ANKRD6: variants seen among roughly 807,000 people sequenced by gnomAD.
The protein encoded by ANKRD6 is ankyrin repeat domain-containing protein 6.
In ANKRD6, 56 loss-of-function variants were observed where a neutral mutation model predicts 82.3. The observed-to-expected ratio is 0.68, with a 90% CI of 0.55 to 0.85. The LOEUF is 0.85. ANKRD6 is among the 40% of genes least tolerant of loss of function. The pLI, the probability that ANKRD6 is intolerant of heterozygous loss-of-function variation, is 0.00. For synonymous variants in ANKRD6, 347 were observed against 352.1 expected, an observed-to-expected ratio of 0.99 and a Z score of 0.16; for missense variants, 852 against 907.6, an observed-to-expected ratio of 0.94 and a Z score of 0.79.
At chr6:89,624,258 C>T (rs1226955554) in intron 12 of ANKRD6, among the ~76,000 whole-genome samples, 2 of 152,194 alleles carry the variant, frequency 1.3e-5, no homozygotes, top group African/African-American at 4.8e-5. Flanking sequence ...GGGTGTGTAG[C>T]TGCAGAGCTT....
At chr6:89,628,780 AC>A (rs59026817) in intron 14 of ANKRD6, 3 of 263,666 alleles carry the variant, frequency 1.1e-5, no homozygotes, top group African/African-American at 7.1e-5. Context: ...CAAAAAACAA[AC>A]AAACAAACAA....
At chr6:89,438,000 C>A (rs1770864337) in intron 1 of ANKRD6, among the ~76,000 whole-genome samples, 1 of 152,034 alleles carries the variant, frequency 6.6e-6, no homozygotes, top group African/African-American at 2.4e-5. Flanking sequence ...CACCTTGTTG[C>A]CCAGGCTCAC....
intron 2 of ANKRD6, among the ~76,000 whole-genome samples, chr6:89,576,931 A>T (rs973176490): frequency 7.9e-5 from 12 of 151,182 alleles, no homozygotes; most frequent in African/African-American, 2.9e-4. Flanking sequence ...GGCATTTTTT[A>T]TTTTTTATTT....
chr6:89,606,167 C>G, intron 5 of ANKRD6, 62 bp downstream of exon 5: 3 of 1,354,394 alleles, frequency 2.2e-6, no homozygotes, highest in Non-Finnish European at 3.0e-6. Context: ...GGGTTTCTCC[C>G]CCTGTGGGAG....
Position 89,433,624 on chromosome 6 carries a change from A to T in ANKRD6, c.-144+249A>T, listed in dbSNP as rs977739023. 3.9e-5 allele frequency among the ~76,000 whole-genome samples: 6 copies of T among 152,054 alleles called. No homozygotes were observed. Among genetic ancestry groups the T allele is most frequent in the Non-Finnish European group, 5.9e-5 (4 of 67,990 alleles). On this transcript the variant is annotated intron_variant, in intron 1 of 15. Transcript: ENST00000339746. This position sits in a 1 kb window ranked among gnomAD's most constrained non-coding sequence, Gnocchi z 4.3. ...CTGGCATCAGTTGCCTCCCTGGAAT[A>T]TGGAACTTCGGGCGAGGGAGGTGGA...
intron 2 of ANKRD6, among the ~76,000 whole-genome samples, chr6:89,581,167 A>G (rs772536825): frequency 3.3e-5 from 5 of 152,176 alleles, no homozygotes; most frequent in African/African-American, 4.8e-5. Flanking sequence ...GTGGGATACT[A>G]TACTCTCCTT....
At chr6:89,602,430 A>T (rs567748920) in intron 3 of ANKRD6, 1 of 152,372 alleles carries the variant, frequency 6.6e-6, no homozygotes, top group East Asian at 1.9e-4. Context: ...ATCAGTGAGG[A>T]TGTTGTCATG....
chr6:89,601,878 C>T (rs898082670), intron 3 of ANKRD6: 9 of 152,166 alleles, frequency 5.9e-5, no homozygotes, highest in Non-Finnish European at 1.5e-5. Flanking sequence ...TCTGTTTTAT[C>T]TTATGATGGC....
chr6:89,563,619 G>A (rs1351690782), intron 1 of ANKRD6, among the ~76,000 whole-genome samples: 3 of 152,234 alleles, frequency 2.0e-5, no homozygotes, highest in African/African-American at 2.4e-5. Flanking sequence ...CAGGTTGGCA[G>A]TGAAGTTTAA....
At chr6:89,436,503 C>G (rs1206599404) in intron 1 of ANKRD6, among the ~76,000 whole-genome samples, 1 of 152,174 alleles carries the variant, frequency 6.6e-6, no homozygotes, top group Non-Finnish European at 1.5e-5. Flanking sequence ...GCAAAACACC[C>G]AGTCAGGGGG....
intron 1 of ANKRD6, among the ~76,000 whole-genome samples, chr6:89,549,500 C>A (rs143109536): frequency 6.6e-6 from 1 of 150,872 alleles, no homozygotes; most frequent in African/African-American, 2.4e-5. Flanking sequence ...GCCTCCAGAA[C>A]TGTGAGAAAT....
At chr6:89,568,090 G>A (rs1328443762) in intron 2 of ANKRD6, 2 of 152,274 alleles carry the variant, frequency 1.3e-5, no homozygotes, top group Non-Finnish European at 2.9e-5. Flanking sequence ...GAGGTGAACA[G>A]GGGTTTGCCC....
At chr6:89,590,993 G>A (rs1188012312) in intron 2 of ANKRD6, among the ~76,000 whole-genome samples, 1 of 152,094 alleles carries the variant, frequency 6.6e-6, no homozygotes, top group Non-Finnish European at 1.5e-5. Flanking sequence ...CCCAATTATT[G>A]GTCTCGCTGG....
intron 3 of ANKRD6, among the ~76,000 whole-genome samples, chr6:89,597,857 T>C (rs1434420326): frequency 6.6e-6 from 1 of 152,224 alleles, no homozygotes; most frequent in Non-Finnish European, 1.5e-5. Context: ...TCTGAAGAAA[T>C]GCATTTGCCA....
intron 1 of ANKRD6, among the ~76,000 whole-genome samples, chr6:89,500,429 G>C (rs1443700124): frequency 1.4e-4 from 22 of 152,160 alleles, no homozygotes; most frequent in Admixed American, 1.1e-3. Context: ...ATATACCATG[G>C]TTAGAAAAAT....
intron 1 of ANKRD6, among the ~76,000 whole-genome samples, chr6:89,480,308 T>C (rs1776637320): frequency 6.6e-6 from 1 of 152,150 alleles, no homozygotes; most frequent in Non-Finnish European, 1.5e-5. Context: ...TGGCAGCATA[T>C]CTACTGTAAT....
chr6:89,576,344 C>G (rs1253314240), intron 2 of ANKRD6, among the ~76,000 whole-genome samples: 2 of 152,128 alleles, frequency 1.3e-5, no homozygotes, highest in Non-Finnish European at 2.9e-5. Context: ...GCCACCACAC[C>G]TGGCCATTTG....
intron 1 of ANKRD6, among the ~76,000 whole-genome samples, chr6:89,560,221 G>T (rs1415596346): frequency 6.6e-6 from 1 of 152,178 alleles, no homozygotes; most frequent in Non-Finnish European, 1.5e-5. Flanking sequence ...TTTTCTTCCA[G>T]TTCTACTTTC....
chr6:89,454,758 AT>A (rs1211860453), intron 1 of ANKRD6, among the ~76,000 whole-genome samples: 8 of 151,956 alleles, frequency 5.3e-5, no homozygotes, highest in South Asian at 4.1e-4. Flanking sequence ...ATTTCCCTGT[AT>A]TTTTTTTATA....
Sources: gnomAD v4.1 joint callset for allele counts (sites outside exome capture counted in the v4.1 genomes callset) on GRCh38, gnomAD v4.1.1 for gene constraint, Gnocchi (gnomAD v3.1) non-coding constraint, MANE v1.5 for transcripts, NCBI Gene and HGNC (gene_info 2026-07-23, HGNC 2026-07-21) for gene names.